MAX: variants seen among roughly 807,000 people sequenced by gnomAD.
MAX encodes the protein protein max.
MAX carries 3 observed loss-of-function variants against 22.3 expected under a neutral mutation model. That is an observed-to-expected ratio of 0.13 (90% confidence interval 0.06 to 0.35). The LOEUF (loss-of-function observed/expected upper bound fraction) is 0.35. MAX is among the 10% of genes least tolerant of loss of function. MAX has a pLI of 1.00. For synonymous variants in MAX, 72 were observed against 77.7 expected (o/e 0.93, Z 0.39); for missense variants, 119 against 209.4 (o/e 0.57, Z 2.66).
intron 3 of MAX, among the ~76,000 whole-genome samples, chr14:65,087,912 T>C (rs1282247821): frequency 6.6e-6 from 1 of 152,038 alleles, no homozygotes; most frequent in Non-Finnish European, 1.5e-5. Context: ...TGGGAGGTAA[T>C]TGAATCACGG....
intron 3 of MAX, among the ~76,000 whole-genome samples, chr14:65,086,141 A>G (rs1348796436): frequency 6.6e-6 from 1 of 152,164 alleles, no homozygotes; most frequent in African/African-American, 2.4e-5. Context: ...CTTGCCTTCC[A>G]CCATGATTGT....
chr14:65,062,571 T>G lies in MAX; in HGVS notation c.171+31137A>C, dbSNP rs950087219. 1 of 152,618 alleles carries G rather than the reference T, an allele frequency of 6.6e-6. No individual in the cohort carries two copies. The highest frequency in any genetic ancestry group is 2.4e-5 in the African/African-American group (1 of 41,452). 9.5% of individuals were successfully genotyped at this position (152,618 alleles called of 1,614,324 possible). A position where few individuals can be genotyped will look rare whatever the true frequency, so the allele number is the denominator to read the frequency against. On this transcript the variant is annotated intron_variant, in intron 3 of 3. Coordinates refer to the MAX transcript ENST00000341653. The surrounding 1 kb of genome is among the most constrained non-coding windows in gnomAD (Gnocchi z 4.3). The stretch of plus-strand genomic sequence containing the variant: ...GAGGCGCTTAGAAAAACCTGGCCAT[T>G]TGCTGCCTCTAATTCCCTTTTGCTT...
Position 65,076,628 on chromosome 14 carries a change from G to C in MAX, c.331C>G (p.Leu111Val), listed in dbSNP as rs748675729. ...ALEKARSSAQLQTNYPSSDNS... is the reference protein window; with the variant it reads ...ALEKARSSAQVQTNYPSSDNS... ...TCTGAGGAGGGGTAGTTGGTCTGCAGTTGGGCACTTGACCTCGCCTTCTCC... is the reference window on the plus strand; with the variant it reads ...TCTGAGGAGGGGTAGTTGGTCTGCACTTGGGCACTTGACCTCGCCTTCTCC... The change falls in exon 5 of 5, where the codon CTG (leucine) becomes GTG (valine). Residue 111 changes from leucine to valine, a missense_variant. Physicochemically the swap from Leu to Val is conservative, Grantham distance 32. Coordinates refer to ENST00000358664, the MANE Select transcript of MAX (RefSeq NM_002382.5). The surrounding 1 kb of genome is among the most constrained non-coding windows in gnomAD (Gnocchi z 6.6). The C allele has an allele frequency of 4.3e-6, 7 of 1,614,070 alleles. No homozygotes were observed. The highest frequency in any genetic ancestry group is 1.7e-5 in the Admixed American group (1 of 60,010).
At chr14:65,100,690 A>G (rs1472344855) in intron 2 of MAX, among the ~76,000 whole-genome samples, 1 of 152,164 alleles carries the variant, frequency 6.6e-6, no homozygotes, top group Admixed American at 6.5e-5. Context: ...AGACACTCTG[A>G]TATACTTATT....
intron 3 of MAX, chr14:65,061,063 T>A: frequency 6.7e-7 from 1 of 1,496,058 alleles, no homozygotes; most frequent in Non-Finnish European, 9.0e-7. Flanking sequence ...TTGGGCTTTG[T>A]GTGTATCTCT....
Position 65,054,789 on chromosome 14 carries a change from C to T in MAX, c.171+38919G>A. On this transcript the variant is annotated intron_variant, in intron 3 of 3. Coordinates refer to the MAX transcript ENST00000341653. The surrounding 1 kb of genome is among the most constrained non-coding windows in gnomAD (Gnocchi z 4.4). ...ACTGGCTCTGCATTTCCTGTGTGGA[C>T]AGGCGGAAGCTTGTGGTCCCTCTGC... is the stretch of plus-strand genomic sequence containing the variant. 6 of 1,314,650 alleles carry T rather than the reference C, an allele frequency of 4.6e-6. No homozygotes were observed. The highest frequency in any genetic ancestry group is 6.3e-6 in the Non-Finnish European group (6 of 950,656). The allele number at this position is 1,314,650 out of a possible 1,614,324, so 81.4% of individuals were successfully genotyped here.
At chr14:65,060,870 C>CAAAAAA (rs58241887) in intron 3 of MAX, among the ~76,000 whole-genome samples, 3 of 79,572 alleles carry the variant, frequency 3.8e-5, no homozygotes, top group South Asian at 4.7e-4. Context: ...AAGACTCTCT[C>CAAAAAA]AAAAAAAAAA....
chr14:65,006,515 A>C (rs1183923166), intron 3 of MAX, among the ~76,000 whole-genome samples: 1 of 152,204 alleles, frequency 6.6e-6, no homozygotes, highest in Non-Finnish European at 1.5e-5. Context: ...CCCTAGGCAC[A>C]AGCTGGTTCA....
rs906335806 is a variant in MAX, at chr14:65,030,372, A to C, written c.172-24088T>G. Among the ~76,000 whole-genome samples, 1 of 152,186 alleles carries C rather than the reference A, an allele frequency of 6.6e-6. No individual in the cohort carries two copies. Among genetic ancestry groups the C allele is most frequent in the Non-Finnish European group, 1.5e-5 (1 of 68,046 alleles). ...AAAAATGCTGGTAGGATCATAATGC[A>C]TGCAGCTTCTGCAGAGACTTCTTTG... On this transcript the variant is annotated intron_variant, in intron 3 of 3. Coordinates refer to the MAX transcript ENST00000341653. This position sits in a 1 kb window ranked among gnomAD's most constrained non-coding sequence, Gnocchi z 4.5.
In MAX at chr14:65,077,242, G is replaced by C. The variant is rs1463707288; in HGVS notation, c.296-579C>G. 2.3e-6 allele frequency: 2 copies of C among 863,458 alleles called. No individual in the cohort carries two copies. The highest frequency in any genetic ancestry group is 3.3e-5 in the African/African-American group (2 of 59,888). The allele number at this position is 863,458 out of a possible 1,614,324, so 53.5% of individuals were successfully genotyped here. A position where few individuals can be genotyped will look rare whatever the true frequency, so the allele number is the denominator to read the frequency against. On this transcript the variant is annotated intron_variant, in intron 4 of 4. Transcript: ENST00000358664. The surrounding 1 kb of genome is among the most constrained non-coding windows in gnomAD (Gnocchi z 6.3). ...AACCAACCCACTGACACCACCCACTGCCCATCCCTTGGTTCAGCTCAGCTT... is the reference window on the plus strand; with the variant it reads ...AACCAACCCACTGACACCACCCACTCCCCATCCCTTGGTTCAGCTCAGCTT...
chr14:65,060,520 C>A (rs2062838588), intron 3 of MAX, among the ~76,000 whole-genome samples: 1 of 127,394 alleles, frequency 7.8e-6, no homozygotes, highest in Non-Finnish European at 1.5e-5. Flanking sequence ...AACGGTGAAA[C>A]CCCGTCTCTA....
At chr14:65,091,603 C>T (rs2063510886) in intron 3 of MAX, among the ~76,000 whole-genome samples, 1 of 152,206 alleles carries the variant, frequency 6.6e-6, no homozygotes, top group African/African-American at 2.4e-5. Context: ...CTTACAGGTT[C>T]CTGTCTCAGT....
At chr14:65,045,680 T>C (rs1458491890) in intron 3 of MAX, among the ~76,000 whole-genome samples, 5 of 152,160 alleles carry the variant, frequency 3.3e-5, no homozygotes, top group African/African-American at 1.2e-4. Context: ...CCTCCCAAAG[T>C]GCTGGGATTA....
chr14:65,036,025 G>A (rs1254242288), intron 3 of MAX, among the ~76,000 whole-genome samples: 8 of 152,022 alleles, frequency 5.3e-5, no homozygotes, highest in Non-Finnish European at 4.4e-5. Flanking sequence ...TAAAGACAGA[G>A]TCTCACTGTG....
intron 3 of MAX, among the ~76,000 whole-genome samples, chr14:65,039,094 C>T (rs1174995074): frequency 6.6e-6 from 1 of 152,152 alleles, no homozygotes; most frequent in African/African-American, 2.4e-5. Flanking sequence ...CTACAGCTGT[C>T]TGTTCATATT....
At chr14:65,040,753 C>T (rs1188919611) in intron 3 of MAX, 5 of 1,603,824 alleles carry the variant, frequency 3.1e-6, no homozygotes, top group African/African-American at 1.3e-5. Flanking sequence ...CGTCCACTCA[C>T]TGGCCACTCA....
intron 3 of MAX, among the ~76,000 whole-genome samples, chr14:65,037,945 A>G (rs1300888645): frequency 6.6e-6 from 1 of 151,220 alleles, no homozygotes; most frequent in African/African-American, 2.4e-5. Flanking sequence ...ACACCCAGCT[A>G]ATTTTTACGG....
intron 3 of MAX, chr14:65,083,930 A>C (rs2063258854): frequency 7.5e-7 from 1 of 1,325,732 alleles, no homozygotes; most frequent in African/African-American, 1.5e-5. Context: ...ATGCACAATA[A>C]ATTTGGATCC....
Position 65,037,863 on chromosome 14 carries a change from T to C in MAX, c.172-31579A>G, listed in dbSNP as rs185168209. Among the ~76,000 whole-genome samples the C allele has an allele frequency of 2.7e-3, 416 of 151,484 alleles. 3 individuals are homozygous for C. The highest frequency in any genetic ancestry group is 9.4e-3 in the African/African-American group (387 of 41,294). On this transcript the variant is annotated intron_variant, in intron 3 of 3. Transcript: ENST00000341653. Reference sequence around the variant, plus strand: ...TGGTGCAGACCAGCTCACTGCAACCTCTTTCTCCCAGGTTCAAGCGATTCT... The same window carrying C: ...TGGTGCAGACCAGCTCACTGCAACCCCTTTCTCCCAGGTTCAAGCGATTCT...
Sources: allele counts gnomAD v4.1 joint callset (sites outside exome capture counted in the v4.1 genomes callset), GRCh38; gene constraint gnomAD v4.1.1; non-coding constraint Gnocchi (gnomAD v3.1); transcripts MANE v1.5; gene names NCBI Gene and HGNC (gene_info 2026-07-23, HGNC 2026-07-21).